Variants in TSHZ1 observed in about 807,000 individuals in gnomAD.
TSHZ1 encodes the protein teashirt zinc finger homeobox 1.
In TSHZ1, 12 loss-of-function variants were observed where a neutral mutation model predicts 67.1. That is an observed-to-expected ratio of 0.18 (90% CI 0.11 to 0.29). The LOEUF (loss-of-function observed/expected upper bound fraction) is 0.29. TSHZ1 is among the 10% of genes least tolerant of loss of function. The pLI is 1.00. For synonymous variants in TSHZ1, 632 were observed against 622.4 expected (o/e 1.02, Z -0.23); for missense variants, 1,305 against 1,413.9 (o/e 0.92, Z 1.23).
chr18:75,231,762 T>C (rs181162866), intron 1 of TSHZ1, among the ~76,000 whole-genome samples: 1 of 152,114 alleles, frequency 6.6e-6, no homozygotes, highest in Non-Finnish European at 1.5e-5. Flanking sequence ...CTCTAACTCC[T>C]GACTTGGGTG....
intron 1 of TSHZ1, among the ~76,000 whole-genome samples, chr18:75,262,635 C>T (rs888138853): frequency 6.6e-6 from 1 of 152,214 alleles, no homozygotes; most frequent in African/African-American, 2.4e-5. Context: ...CCTGTTATAA[C>T]AAAAGCAAAT....
chr18:75,281,734 G>A lies in TSHZ1; in HGVS notation c.41-3714G>A, dbSNP rs969638692. On this transcript the variant is annotated intron_variant, in intron 1 of 1. Transcript: ENST00000580243. The surrounding 1 kb of genome is among the most constrained non-coding windows in gnomAD (Gnocchi z 5.3). The stretch of plus-strand genomic sequence containing the variant: ...TAGCGGTCACCGAGGGTCTGGAGAC[G>A]AGGGAGAGGGCCACATGCTGCTCAT... Among the ~76,000 whole-genome samples, 2 of 152,278 alleles carry A rather than the reference G, an allele frequency of 1.3e-5. No homozygotes were observed. Among genetic ancestry groups the A allele is most frequent in the South Asian group, 2.1e-4 (1 of 4,834 alleles).
chr18:75,217,487 G>A (rs2022785637), intron 1 of TSHZ1, among the ~76,000 whole-genome samples: 1 of 152,068 alleles, frequency 6.6e-6, no homozygotes, highest in Non-Finnish European at 1.5e-5. Context: ...GTTTTACTAG[G>A]CAGAAAGGAA....
chr18:75,237,372 AT>A lies in TSHZ1; in HGVS notation c.40+25458del, dbSNP rs536937840. Among the ~76,000 whole-genome samples the A allele has an allele frequency of 2.6e-5, 4 of 152,164 alleles. No individual in the cohort carries two copies. In the South Asian group the frequency reaches 8.3e-4, roughly 32 times the overall value. Reference sequence around the variant, plus strand: ...CCCCATATCTACAAAAAATGCAAAAATTAGCCGGATGTGGTGGTGCATGCCT... The same window carrying A: ...CCCCATATCTACAAAAAATGCAAAAATAGCCGGATGTGGTGGTGCATGCCT... On this transcript the variant is annotated intron_variant, in intron 1 of 1. Transcript: ENST00000580243.
At chr18:75,254,808 C>G (rs1411659793) in intron 1 of TSHZ1, among the ~76,000 whole-genome samples, 2 of 152,138 alleles carry the variant, frequency 1.3e-5, no homozygotes, top group African/African-American at 4.8e-5. Context: ...TGTTAGAGAA[C>G]TTTAATTTTA....
At chr18:75,259,037 A>C (rs1200661372) in intron 1 of TSHZ1, among the ~76,000 whole-genome samples, 2 of 152,188 alleles carry the variant, frequency 1.3e-5, no homozygotes, top group South Asian at 2.1e-4. Flanking sequence ...CCTCCCCTCA[A>C]GGTAACCAAT....
intron 1 of TSHZ1, among the ~76,000 whole-genome samples, chr18:75,264,740 A>C (rs1007735926): frequency 1.2e-4 from 18 of 152,210 alleles, no homozygotes; most frequent in Non-Finnish European, 2.6e-4. Context: ...GGATAAGCTT[A>C]TCAGGGTATG....
chr18:75,287,706 T>C lies in TSHZ1; in HGVS notation c.2299T>C (p.Ser767Pro), dbSNP rs144134267. ...LGKVSKPVSP[S>P]LDPLAMLYKI... ...CAAGGTGTCCAAGCCCGTGAGTCCC[T>C]CGCTGGACCCGCTGGCGATGCTGTA... The change falls in exon 2 of 2, where the codon TCG becomes CCG. Residue 767 changes from serine to proline, a missense_variant. Physicochemically the swap from Ser to Pro is moderately conservative, Grantham distance 74. This residue lies in a region of TSHZ1 where 909 missense variants were observed against 961.8 expected (regional missense o/e 0.95). Transcript: ENST00000580243. The surrounding 1 kb of genome is among the most constrained non-coding windows in gnomAD (Gnocchi z 5.0). 6.2e-7 allele frequency: 1 copy of C among 1,614,030 alleles called. No individual in the cohort carries two copies. Among genetic ancestry groups the C allele is most frequent in the African/African-American group, 1.3e-5 (1 of 74,912 alleles).
chr18:75,253,505 A>C (rs1205506578), intron 1 of TSHZ1, among the ~76,000 whole-genome samples: 1 of 152,244 alleles, frequency 6.6e-6, no homozygotes, highest in Non-Finnish European at 1.5e-5. Context: ...GCAGCATGGG[A>C]ACTCCCGCTC....
chr18:75,285,637 C>T lies in TSHZ1; in HGVS notation c.230C>T (p.Pro77Leu). 6.2e-7 allele frequency: 1 copy of T among 1,613,790 alleles called. No homozygotes were observed. The highest frequency in any genetic ancestry group is 1.3e-5 in the African/African-American group (1 of 75,006). ...ATNQDAGYGS[P>L]FSESSDQLAH... ...AACCAGGACGCCGGCTACGGGTCGC[C>T]CTTCAGTGAGAGCAGCGACCAGCTA... The change falls in exon 2 of 2, where the codon CCC (proline) becomes CTC (leucine). Residue 77 changes from proline (P) to leucine (L), a missense_variant. Physicochemically the swap from Pro to Leu is moderately conservative, Grantham distance 98. Transcript: ENST00000580243.
At position 75,286,285 on chromosome 18, in the gene TSHZ1, C is replaced by G; in HGVS notation, c.878C>G (p.Ser293Cys). The change falls in exon 2 of 2, where the codon TCC (serine) becomes TGC (cysteine). Residue 293 changes from serine to cysteine, a missense_variant. By Grantham distance (112) the Ser-to-Cys change is moderately radical. This residue lies in a region of TSHZ1 where 38 missense variants were observed against 76.5 expected (regional missense o/e 0.50). Coordinates refer to ENST00000580243, the MANE Select transcript of TSHZ1 (RefSeq NM_001308210.2). The surrounding 1 kb of genome is among the most constrained non-coding windows in gnomAD (Gnocchi z 5.1). The stretch of plus-strand genomic sequence containing the variant: ...AGGTGGTCCAAGCCCAGGAAGCGCT[C>G]CCTGATGGAGATGGAGGGGAAGGAG... ...TKRWSKPRKR[S>C]LMEMEGKEDA... is the part of the protein sequence containing the mutation. 6.2e-7 allele frequency: 1 copy of G among 1,612,854 alleles called. No homozygotes were observed. The highest frequency in any genetic ancestry group is 8.5e-7 in the Non-Finnish European group (1 of 1,179,038).
In TSHZ1 at chr18:75,281,272, C is replaced by T. The variant is rs1023714406; in HGVS notation, c.41-4176C>T. Among the ~76,000 whole-genome samples the T allele has an allele frequency of 6.6e-6, 1 of 152,138 alleles. No individual in the cohort carries two copies. The highest frequency in any genetic ancestry group is 1.5e-5 in the Non-Finnish European group (1 of 68,034). ...GAGGACCAGGAGGCTTTGAGGATGG[C>T]GCTGCTTTTCTGCCTCGGATACTCT... On this transcript the variant is annotated intron_variant, in intron 1 of 1. Transcript: ENST00000580243. This position sits in a 1 kb window ranked among gnomAD's most constrained non-coding sequence, Gnocchi z 5.3.
At chr18:75,254,369 C>T (rs1369582490) in intron 1 of TSHZ1, among the ~76,000 whole-genome samples, 6 of 152,108 alleles carry the variant, frequency 3.9e-5, no homozygotes, top group African/African-American at 9.7e-5. Context: ...AGTAAAACCT[C>T]GTCTATGCAG....
chr18:75,265,809 C>T (rs567590817), intron 1 of TSHZ1, among the ~76,000 whole-genome samples: 3 of 148,560 alleles, frequency 2.0e-5, no homozygotes, highest in South Asian at 2.2e-4. Context: ...TTTACTATTT[C>T]CCCCCCTTAC....
intron 1 of TSHZ1, among the ~76,000 whole-genome samples, chr18:75,232,862 C>A (rs985152479): frequency 6.6e-6 from 1 of 152,228 alleles, no homozygotes; most frequent in South Asian, 2.1e-4. Flanking sequence ...TTAATAGTCA[C>A]AATACTTGGG....
intron 1 of TSHZ1, among the ~76,000 whole-genome samples, chr18:75,248,419 C>T (rs191236258): frequency 5.9e-5 from 9 of 152,346 alleles, no homozygotes; most frequent in East Asian, 1.9e-4. Context: ...GTTTCCTTCA[C>T]GCTCACCTTC....
rs554959070 is a variant in TSHZ1, at chr18:75,266,611, T to C, written c.41-18837T>C. 2.0e-5 allele frequency among the ~76,000 whole-genome samples: 3 copies of C among 152,318 alleles called. No individual in the cohort carries two copies. In the South Asian group the frequency reaches 6.2e-4, roughly 32 times the overall value. ...TTCTCTTGAAACATAAGGATGTCTT[T>C]TGAAAGCCAAAAAGTGGCACTAAAA... On this transcript the variant is annotated intron_variant, in intron 1 of 1. Coordinates refer to ENST00000580243, the MANE Select transcript of TSHZ1 (RefSeq NM_001308210.2).
intron 1 of TSHZ1, among the ~76,000 whole-genome samples, chr18:75,251,923 A>G (rs949240714): frequency 3.9e-5 from 6 of 152,364 alleles, no homozygotes; most frequent in African/African-American, 1.4e-4. Context: ...TGCAAGTGAT[A>G]CAGGCTTATT....
chr18:75,239,724 A>C (rs549796637), intron 1 of TSHZ1, among the ~76,000 whole-genome samples: 18 of 152,298 alleles, frequency 1.2e-4, no homozygotes, highest in African/African-American at 4.1e-4. Context: ...GGTTGGTCTC[A>C]AACTCCTGGC....
Sources: gnomAD v4.1 joint callset for allele counts (sites outside exome capture counted in the v4.1 genomes callset) on GRCh38, gnomAD v4.1.1 for gene constraint, gnomAD v4.1.1 regional missense constraint, Gnocchi (gnomAD v3.1) non-coding constraint, MANE v1.5 for transcripts, NCBI Gene and HGNC (gene_info 2026-07-23, HGNC 2026-07-21) for gene names.